The following TMC6 variants were observed in gnomAD, a reference collection of about 807,000 sequenced individuals.
TMC6 encodes transmembrane channel-like protein 6.
In TMC6, 71 loss-of-function variants were observed where a neutral mutation model predicts 95.4. The observed-to-expected ratio is 0.74, with a 90% CI of 0.61 to 0.91. TMC6 has a LOEUF of 0.91. Ranked by LOEUF, TMC6 falls within the 40% of genes least tolerant of loss-of-function variation. The probability of loss-of-function intolerance (pLI) is 0.00; values close to 1 mark genes in which losing one functional copy is unlikely to be tolerated. For missense variants in TMC6, 1,074 were observed against 1,079.1 expected (o/e 1.00, Z 0.07); for synonymous variants, 514 against 483.1 (o/e 1.06, Z -0.84).
chr17:78,117,755 A>G, intron 16 of TMC6, 47 bp downstream of exon 16: 2 of 1,587,344 alleles, frequency 1.3e-6, no homozygotes, highest in Non-Finnish European at 1.7e-6. Context: ...ACCACCACCC[A>G]ACCCCCAGAT....
In TMC6 at chr17:78,124,657, T is replaced by C. The variant is rs781759484; in HGVS notation, c.758A>G (p.Lys253Arg). ...GAGGGCATTGAAAGCCAGCAGGGTC[T>C]TGAGAAAGAGGAAGTAGGAGAGCAC... ...SSVLSYFLFL[K>R]TLLAFNALLL... Residue 253 changes from lysine (K) to arginine (R), a missense_variant, in exon 8 of 20, where the codon AAG becomes AGG. Coordinates refer to ENST00000590602, the MANE Select transcript of TMC6 (RefSeq NM_001127198.5). 3 of 1,611,244 alleles carry C rather than the reference T, an allele frequency of 1.9e-6. No individual in the cohort carries two copies. Among genetic ancestry groups the C allele is most frequent in the Non-Finnish European group, 2.5e-6 (3 of 1,179,238 alleles).
At position 78,113,563 on chromosome 17, in the gene TMC6, C is replaced by G. The variant is rs1402002215; in HGVS notation, c.2339G>C (p.Arg780Thr). The G allele has an allele frequency of 9.3e-6, 15 of 1,614,018 alleles. No homozygotes were observed. Among genetic ancestry groups the G allele is most frequent in the Non-Finnish European group, 1.3e-5 (15 of 1,180,008 alleles). ...KLHSIYERKE[R>T]EERSRVGTTE... The stretch of plus-strand genomic sequence containing the variant: ...GGACCCTCACCTGCTCCTCTCCTCC[C>G]TCTCCTTCCTCTCGTAGATGGAGTG... Residue 780 changes from arginine to threonine, a missense_variant, in exon 19 of 20, where the codon AGG (arginine) becomes ACG (threonine). Coordinates refer to ENST00000590602, the MANE Select transcript of TMC6 (RefSeq NM_001127198.5).
chr17:78,128,407 G>A lies in TMC6; in HGVS notation c.-75+205C>T, dbSNP rs1000656292. Among the ~76,000 whole-genome samples, 33 of 151,446 alleles carry A rather than the reference G, an allele frequency of 2.2e-4. No homozygotes were observed. The highest frequency in any genetic ancestry group is 4.1e-4 in the Non-Finnish European group (28 of 67,854). ...GTGGGGGCTGCGGATTTTGCTCCCC[G>A]CACTGTCCTCCCCGCCCCTGCCGCT... On this transcript the variant is annotated intron_variant, in intron 1 of 19. Coordinates refer to ENST00000590602, the MANE Select transcript of TMC6 (RefSeq NM_001127198.5). The surrounding 1 kb of genome is among the most constrained non-coding windows in gnomAD (Gnocchi z 4.0).
In TMC6 at chr17:78,125,864, T is replaced by G; in HGVS notation, c.292A>C (p.Ile98Leu). The G allele has an allele frequency of 6.4e-7, 1 of 1,551,208 alleles. No homozygotes were observed. The highest frequency in any genetic ancestry group is 8.7e-7 in the Non-Finnish European group (1 of 1,147,232). The change falls in exon 5 of 20, where the codon ATC becomes CTC. Residue 98 changes from isoleucine to leucine, a missense_variant. Transcript: ENST00000590602. ...RTIGRSRGAI[I>L]SQYYNRTVQL... is the part of the protein sequence containing the mutation. The stretch of plus-strand genomic sequence containing the variant: ...ACCGTGCGGTTGTAGTACTGGGAGA[T>G]GATGGCACCTCGGCTGCGGCCTATG...
At chr17:78,119,995 T>C (rs766608706) in intron 13 of TMC6, 15 of 391,092 alleles carry the variant, frequency 3.8e-5, no homozygotes, top group South Asian at 1.6e-4. Context: ...TAAATTCATA[T>C]ATTCTCGAAG....
In TMC6 at chr17:78,120,637, C is replaced by T; in HGVS notation, c.1715+16G>A. 4 of 1,614,026 alleles carry T rather than the reference C, an allele frequency of 2.5e-6. No individual in the cohort carries two copies. The highest frequency in any genetic ancestry group is 3.4e-6 in the Non-Finnish European group (4 of 1,179,994). On this transcript the variant is annotated intron_variant, in intron 13 of 19. Coordinates refer to ENST00000590602, the MANE Select transcript of TMC6 (RefSeq NM_001127198.5). ...GGGAGAACACTCACCACCCAGTCCG[C>T]CCAGGACCCCCTCACCTCCACACCA...
upstream of TMC6, chr17:78,131,630 G>T: frequency 1.3e-6 from 2 of 1,553,904 alleles, no homozygotes. Context: ...GGGCCCCTGG[G>T]GTGCCGGAGC....
intron 3 of TMC6, 44 bp from the exon 4 acceptor site, chr17:78,126,410 T>C: frequency 6.2e-7 from 1 of 1,603,550 alleles, no homozygotes; most frequent in Non-Finnish European, 8.5e-7. Flanking sequence ...GAGATGCCAT[T>C]GGCCACAGTA....
At chr17:78,118,296 C>T in intron 15 of TMC6, 2 of 360,152 alleles carry the variant, frequency 5.6e-6, no homozygotes, top group Non-Finnish European at 1.1e-5. Context: ...GTGGCTCATG[C>T]CTGTAATCCC....
At chr17:78,116,625 C>G (rs893182445) in intron 18 of TMC6, among the ~76,000 whole-genome samples, 1 of 151,944 alleles carries the variant, frequency 6.6e-6, no homozygotes, top group Non-Finnish European at 1.5e-5. Context: ...GTGGCTCATG[C>G]CTATAATCCT....
At position 78,120,652 on chromosome 17, in the gene TMC6, C is replaced by T. The variant is rs770263060; in HGVS notation, c.1715+1G>A. 4.3e-6 allele frequency: 7 copies of T among 1,613,952 alleles called. No homozygotes were observed. Among genetic ancestry groups the T allele is most frequent in the Admixed American group, 1.7e-5 (1 of 60,010 alleles). On this transcript the variant is annotated splice_donor_variant, in intron 13 of 19. Transcript: ENST00000590602. LOFTEE classifies it high-confidence loss of function. Reference sequence around the variant, plus strand: ...ACCCAGTCCGCCCAGGACCCCCTCACCTCCACACCAGTTCCCCAAAAAGCG... The same window carrying T: ...ACCCAGTCCGCCCAGGACCCCCTCATCTCCACACCAGTTCCCCAAAAAGCG...
chr17:78,126,734 G>T (rs759244197), intron 2 of TMC6, 43 bp downstream of exon 2: 1 of 1,611,436 alleles, frequency 6.2e-7, no homozygotes, highest in Non-Finnish European at 8.5e-7. Flanking sequence ...TCCGTGGGGG[G>T]TGGAACATTC....
In TMC6 at chr17:78,109,912, C is replaced by G. The variant is rs2073791626; in HGVS notation, c.*3236G>C. On this transcript the variant is annotated 3_prime_UTR_variant, in exon 20 of 20. Coordinates refer to ENST00000590602, the MANE Select transcript of TMC6 (RefSeq NM_001127198.5). ...AGAAACCCTGTCTCTACTAAAAATA[C>G]AAAATTAGCTGGGCATGGTAGCACA... 4.1e-6 allele frequency: 1 copy of G among 245,786 alleles called. No individual in the cohort carries two copies. Among genetic ancestry groups the G allele is most frequent in the Admixed American group, 5.2e-5 (1 of 19,356 alleles). The allele number at this position is 245,786 out of a possible 1,614,324, so 15.2% of individuals were successfully genotyped here. A position where few individuals can be genotyped will look rare whatever the true frequency, so the allele number is the denominator to read the frequency against.
At chr17:78,115,628 G>C (rs1178525961) in intron 18 of TMC6, among the ~76,000 whole-genome samples, 4 of 146,884 alleles carry the variant, frequency 2.7e-5, no homozygotes, top group Non-Finnish European at 6.0e-5. Flanking sequence ...AGCGAAGGGA[G>C]TGGGCACAGG....
chr17:78,117,623 G>T lies in TMC6; in HGVS notation c.2043C>A (p.Cys681Ter), dbSNP rs560735308. The change falls in exon 17 of 20, where the codon TGC (cysteine) becomes TGA (stop). Residue 681 changes from cysteine to a stop codon, truncating the protein, a stop_gained. Coordinates refer to ENST00000590602, the MANE Select transcript of TMC6 (RefSeq NM_001127198.5). LOFTEE classifies it high-confidence loss of function. ...AVWQVKPSST[C>*]GPFRTLDTMY... ...TGGTGTCCAGGGTCCGGAAGGGGCCGCAGGTGCTCGAGGGCTTCACCCTGG... is the reference window on the plus strand; with the variant it reads ...TGGTGTCCAGGGTCCGGAAGGGGCCTCAGGTGCTCGAGGGCTTCACCCTGG... 6.4e-6 allele frequency: 10 copies of T among 1,574,466 alleles called. No homozygotes were observed. Among genetic ancestry groups the T allele is most frequent in the Non-Finnish European group, 8.6e-6 (10 of 1,161,148 alleles).
Position 78,124,116 on chromosome 17 carries a change from A to T in TMC6, c.955T>A (p.Cys319Ser). 1 of 1,613,188 alleles carries T rather than the reference A, an allele frequency of 6.2e-7. No homozygotes were observed. Among genetic ancestry groups the T allele is most frequent in the Non-Finnish European group, 8.5e-7 (1 of 1,179,944 alleles). Residue 319 changes from cysteine to serine, a missense_variant, in exon 9 of 20, where the codon TGT becomes AGT. Transcript: ENST00000590602. ...TGGCTGCCATCCAGGGGGCTGCCACACGGCTGGTTCAGCGTGGCGTTACTG... is the reference window on the plus strand; with the variant it reads ...TGGCTGCCATCCAGGGGGCTGCCACTCGGCTGGTTCAGCGTGGCGTTACTG... ...HYSNATLNQP[C>S]GSPLDGSQCT... is the part of the protein sequence containing the mutation.
rs1229095713 is a variant in TMC6 at position 78,121,988 on chromosome 17, C to T, written c.1228-277G>A. On this transcript the variant is annotated intron_variant, in intron 10 of 19. Transcript: ENST00000590602. This position sits in a 1 kb window ranked among gnomAD's most constrained non-coding sequence, Gnocchi z 5.6. Reference sequence around the variant, plus strand: ...ACCCCTCTCCACCCACCTCCCCAGCCCTGCCCGCTGGGGCAGGGGCCTTGC... The same window carrying T: ...ACCCCTCTCCACCCACCTCCCCAGCTCTGCCCGCTGGGGCAGGGGCCTTGC... Among the ~76,000 whole-genome samples the T allele has an allele frequency of 1.3e-5, 2 of 152,172 alleles. No individual in the cohort carries two copies. The highest frequency in any genetic ancestry group is 2.9e-5 in the Non-Finnish European group (2 of 68,026).
At position 78,117,291 on chromosome 17, in the gene TMC6, A is replaced by C. The variant is rs200842857; in HGVS notation, c.2255T>G (p.Leu752Arg). ...VVRGQRKVIC[L>R]LKEQISNEGE... The stretch of plus-strand genomic sequence containing the variant: ...CACATTGCTGATCTGCTCCTTGAGC[A>C]GGCAGATGACCTTGCGCTGGCCCCG... The change falls in exon 18 of 20, where the codon CTG (leucine) becomes CGG (arginine). Residue 752 changes from leucine (L) to arginine (R), a missense_variant. By Grantham distance (102) the Leu-to-Arg change is moderately radical (BLOSUM62 -2). Transcript: ENST00000590602. The C allele has an allele frequency of 6.2e-7, 1 of 1,613,536 alleles. No homozygotes were observed. Among genetic ancestry groups the C allele is most frequent in the East Asian group, 2.2e-5 (1 of 44,874 alleles).
intron 14 of TMC6, 124 bp from the exon 15 acceptor site, chr17:78,119,170 TG>T: frequency 6.7e-7 from 1 of 1,495,420 alleles, no homozygotes; most frequent in Non-Finnish European, 9.3e-7. Context: ...GGTTAGGGTC[TG>T]CATCACTCCA....
Sources: gnomAD v4.1 joint callset for allele counts (sites outside exome capture counted in the v4.1 genomes callset) on GRCh38, gnomAD v4.1.1 for gene constraint, Gnocchi (gnomAD v3.1) non-coding constraint, MANE v1.5 for transcripts, NCBI Gene and HGNC (gene_info 2026-07-23, HGNC 2026-07-21) for gene names.